PRMT8: variants seen among roughly 807,000 people sequenced by gnomAD.
PRMT8 encodes the protein protein arginine methyltransferase 8, also known as protein arginine N-methyltransferase 8.
PRMT8 carries 7 observed loss-of-function variants against 47.1 expected under a neutral mutation model. That is an observed-to-expected ratio of 0.15 (90% CI 0.08 to 0.28). PRMT8 has a LOEUF of 0.28. Ranked by LOEUF, PRMT8 falls within the 10% of genes least tolerant of loss-of-function variation. The pLI is 1.00. For synonymous variants in PRMT8, 188 were observed against 186.5 expected (o/e 1.01, Z -0.07); for missense variants, 237 against 505.4 (o/e 0.47, Z 5.09).
intron 4 of PRMT8, among the ~76,000 whole-genome samples, chr12:3,565,979 C>T (rs537888840): frequency 6.6e-5 from 10 of 152,192 alleles, no homozygotes; most frequent in Admixed American, 6.5e-5. Flanking sequence ...CAGGAGAAAA[C>T]ATCTTCTAGG....
At chr12:3,437,454 C>T (rs1361165931) in intron 1 of PRMT8, among the ~76,000 whole-genome samples, 1 of 151,744 alleles carries the variant, frequency 6.6e-6, no homozygotes, top group Admixed American at 6.6e-5. Flanking sequence ...GTGTACAGAT[C>T]ACTTTATCCC....
At chr12:3,563,813 A>G (rs1015442883) in intron 4 of PRMT8, among the ~76,000 whole-genome samples, 2 of 152,212 alleles carry the variant, frequency 1.3e-5, no homozygotes, top group Non-Finnish European at 2.9e-5. Context: ...AGTTCCTAGG[A>G]GGATTACTGA....
intron 8 of PRMT8, among the ~76,000 whole-genome samples, chr12:3,589,822 G>C (rs1056767115): frequency 5.9e-5 from 9 of 152,220 alleles, no homozygotes; most frequent in Non-Finnish European, 1.2e-4. Flanking sequence ...GGGCCAGGAA[G>C]TCTCTGGGGG....
intron 3 of PRMT8, 154 bp from the exon 4 acceptor site, chr12:3,553,497 G>A: frequency 1.5e-6 from 1 of 671,590 alleles, no homozygotes; most frequent in South Asian, 1.8e-5. Flanking sequence ...TGGGGGGGCT[G>A]GGTTTCGGTT....
intron 1 of PRMT8, among the ~76,000 whole-genome samples, chr12:3,469,515 A>G (rs892157851): frequency 6.6e-6 from 1 of 152,160 alleles, no homozygotes; most frequent in Non-Finnish European, 1.5e-5. Flanking sequence ...AATGTGCAGA[A>G]CAGGCAAATC....
In PRMT8 at chr12:3,409,751, G is replaced by A. The variant is rs1246106268; in HGVS notation, c.48+28309G>A. Among the ~76,000 whole-genome samples, 1 of 152,180 alleles carries A rather than the reference G, an allele frequency of 6.6e-6. No homozygotes were observed. The highest frequency in any genetic ancestry group is 2.4e-5 in the African/African-American group (1 of 41,436). On this transcript the variant is annotated intron_variant, in intron 1 of 9. Coordinates refer to the PRMT8 transcript ENST00000452611. The surrounding 1 kb of genome is among the most constrained non-coding windows in gnomAD (Gnocchi z 4.4). ...ATCCAAGGCATTTATTTCCTGGGAG[G>A]TTGGGAGCCACTTCAGCTCAGGTGC...
intron 1 of PRMT8, among the ~76,000 whole-genome samples, chr12:3,393,655 C>A (rs1349163684): frequency 7.4e-5 from 11 of 149,224 alleles, no homozygotes; most frequent in African/African-American, 2.5e-4. Context: ...TGTGATGCCT[C>A]CAGCTTTGTT....
In PRMT8 at chr12:3,550,267, C is replaced by G. The variant is rs1383296711; in HGVS notation, c.417+176C>G. The G allele has an allele frequency of 1.7e-5, 12 of 697,382 alleles. No homozygotes were observed. Among genetic ancestry groups the G allele is most frequent in the Non-Finnish European group, 2.8e-5 (12 of 425,568 alleles). 43.2% of individuals were successfully genotyped at this position (697,382 alleles called of 1,614,324 possible). ...TCAGGAAGGGGAGCAGGCTGCCTGT[C>G]CCCTGTGCATGGCTCCTGGATCCTT... is the stretch of plus-strand genomic sequence containing the variant. On this transcript the variant is annotated intron_variant, in intron 3 of 9. Transcript: ENST00000382622. The surrounding 1 kb of genome is among the most constrained non-coding windows in gnomAD (Gnocchi z 5.1).
chr12:3,398,449 A>G (rs1864284299), intron 1 of PRMT8, among the ~76,000 whole-genome samples: 1 of 152,184 alleles, frequency 6.6e-6, no homozygotes, highest in African/African-American at 2.4e-5. Context: ...AGTGTGTAGA[A>G]ATACTGTCAT....
At chr12:3,414,895 CTT>C (rs1864468843) in intron 1 of PRMT8, among the ~76,000 whole-genome samples, 1 of 152,012 alleles carries the variant, frequency 6.6e-6, no homozygotes, top group South Asian at 2.1e-4. Flanking sequence ...CAGCTGCAGT[CTT>C]TTTATGAGCA....
chr12:3,471,012 A>C (rs1865156153), intron 1 of PRMT8, among the ~76,000 whole-genome samples: 1 of 152,138 alleles, frequency 6.6e-6, no homozygotes, highest in Non-Finnish European at 1.5e-5. Context: ...GAAAATGAAG[A>C]GATGGTGACA....
intron 1 of PRMT8, among the ~76,000 whole-genome samples, chr12:3,510,496 T>TAA (rs1263378390): frequency 6.6e-6 from 1 of 152,252 alleles, no homozygotes; most frequent in Non-Finnish European, 1.5e-5. Context: ...ACATCCTATG[T>TAA]ATTCAAATAT....
At chr12:3,425,944 T>C (rs1471772776) in intron 1 of PRMT8, among the ~76,000 whole-genome samples, 1 of 152,266 alleles carries the variant, frequency 6.6e-6, no homozygotes, top group Non-Finnish European at 1.5e-5. Flanking sequence ...CCTTCAGGTC[T>C]CCAAGGAACG....
At chr12:3,414,802 C>T (rs1864468017) in intron 1 of PRMT8, among the ~76,000 whole-genome samples, 1 of 151,986 alleles carries the variant, frequency 6.6e-6, no homozygotes, top group African/African-American at 2.4e-5. Context: ...TGAGTCTCTC[C>T]ACAGTCTCTG....
At chr12:3,429,464 G>A (rs1864649371) in intron 1 of PRMT8, among the ~76,000 whole-genome samples, 1 of 151,990 alleles carries the variant, frequency 6.6e-6, no homozygotes, top group Non-Finnish European at 1.5e-5. Context: ...AACACCACAC[G>A]CACACCACAA....
intron 7 of PRMT8, among the ~76,000 whole-genome samples, chr12:3,578,391 A>AT (rs34112556): frequency 0.075 from 11,052 of 146,628 alleles, 437 homozygotes; most frequent in Non-Finnish European, 0.085. Flanking sequence ...GGCATGGCTA[A>AT]TTTTTTTTTT....
intron 1 of PRMT8, among the ~76,000 whole-genome samples, chr12:3,511,984 C>A (rs1865721067): frequency 6.6e-6 from 1 of 152,182 alleles, no homozygotes; most frequent in Non-Finnish European, 1.5e-5. Flanking sequence ...CTGGTGCCAG[C>A]AGCTGAACTT....
At chr12:3,430,896 G>C (rs1055528642) in intron 1 of PRMT8, among the ~76,000 whole-genome samples, 16 of 152,204 alleles carry the variant, frequency 1.1e-4, no homozygotes, top group Admixed American at 4.6e-4. Flanking sequence ...TACAGCATCA[G>C]CAGGAGTAGA....
intron 1 of PRMT8, among the ~76,000 whole-genome samples, chr12:3,420,424 C>T (rs1864529110): frequency 6.6e-6 from 1 of 152,126 alleles, no homozygotes; most frequent in Admixed American, 6.5e-5. Context: ...GCCTATGAAC[C>T]CCCTTCCATA....
Sources: gnomAD v4.1 joint callset for allele counts (sites outside exome capture counted in the v4.1 genomes callset) on GRCh38, gnomAD v4.1.1 for gene constraint, Gnocchi (gnomAD v3.1) non-coding constraint, MANE v1.5 for transcripts, NCBI Gene and HGNC (gene_info 2026-07-23, HGNC 2026-07-21) for gene names.